OXCT1: variants seen among roughly 807,000 people sequenced by gnomAD.
The protein encoded by OXCT1 is succinyl-CoA:3-ketoacid coenzyme A transferase 1, mitochondrial.
Under a neutral mutation model 69.6 loss-of-function variants are expected in OXCT1, and 27 were observed. That is an observed-to-expected ratio of 0.39 (90% CI 0.29 to 0.54). The LOEUF (loss-of-function observed/expected upper bound fraction) is 0.54, where lower values mean the gene tolerates loss of function less well. Ranked by LOEUF, OXCT1 falls within the 20% of genes least tolerant of loss-of-function variation. The pLI is 0.72. For synonymous variants in OXCT1, 202 were observed against 217.8 expected (o/e 0.93, Z 0.64); for missense variants, 437 against 650.2 (o/e 0.67, Z 3.57).
At chr5:41,765,374 T>C in intron 13 of OXCT1, among the ~76,000 whole-genome samples, 1 of 152,192 alleles carries the variant, frequency 6.6e-6, no homozygotes, top group East Asian at 1.9e-4. Context: ...TGGCTGAGTT[T>C]CCTTCAGCCT....
rs74457258 is a variant in OXCT1, at chr5:41,855,425, G to A, written c.279-1871C>T. ...ACTTTTCTATATTACTCCATACTATGCTTCAAGAAAGCCTTTTAAGAGACA... is the reference window on the plus strand; with the variant it reads ...ACTTTTCTATATTACTCCATACTATACTTCAAGAAAGCCTTTTAAGAGACA... On this transcript the variant is annotated intron_variant, in intron 3 of 16. Transcript: ENST00000196371. Among the ~76,000 whole-genome samples, 83 of 152,270 alleles carry A rather than the reference G, an allele frequency of 5.5e-4. 1 individual carries two copies. In the East Asian group the frequency reaches 0.016, roughly 29 times the overall value.
intron 4 of OXCT1, among the ~76,000 whole-genome samples, chr5:41,852,071 G>A (rs1749198924): frequency 2.0e-5 from 3 of 152,224 alleles, no homozygotes; most frequent in Admixed American, 2.0e-4. Flanking sequence ...CAAGAACCGT[G>A]AGAAGTCGGC....
chr5:41,805,582 C>A lies in OXCT1; in HGVS notation c.940G>T (p.Glu314Ter). Residue 314 changes from glutamate to a stop codon, truncating the protein, a stop_gained, in exon 9 of 17, where the codon GAG (glutamate) becomes TAG (stop). Transcript: ENST00000196371. LOFTEE classifies it high-confidence loss of function. Reference sequence around the variant, plus strand: ...TAAAGGATACCATACATGCCATCCTCAAACTCAAGAGCGGCCCTCTTGATG... The same window carrying A: ...TAAAGGATACCATACATGCCATCCTAAAACTCAAGAGCGGCCCTCTTGATG... ...RIIKRAALEF[E>*]DGMYANLGIG... 6.2e-7 allele frequency: 1 copy of A among 1,611,904 alleles called. No homozygotes were observed. Among genetic ancestry groups the A allele is most frequent in the Non-Finnish European group, 8.5e-7 (1 of 1,178,260 alleles).
At chr5:41,771,378 T>G (rs1744863927) in intron 13 of OXCT1, among the ~76,000 whole-genome samples, 1 of 152,230 alleles carries the variant, frequency 6.6e-6, no homozygotes, top group South Asian at 2.1e-4. Context: ...CAATGTATTT[T>G]CTCTTCTCAA....
At chr5:41,778,129 G>T (rs560088454) in intron 13 of OXCT1, among the ~76,000 whole-genome samples, 16 of 152,264 alleles carry the variant, frequency 1.1e-4, no homozygotes, top group Non-Finnish European at 1.6e-4. Flanking sequence ...AATGTAAAAA[G>T]ATGGATTATC....
At chr5:41,867,259 T>C (rs971243502) in intron 1 of OXCT1, among the ~76,000 whole-genome samples, 1 of 152,188 alleles carries the variant, frequency 6.6e-6, no homozygotes, top group African/African-American at 2.4e-5. Context: ...GGAAACTCAT[T>C]ATTTCTTTCC....
At chr5:41,821,985 T>C (rs1481010277) in intron 7 of OXCT1, among the ~76,000 whole-genome samples, 2 of 152,226 alleles carry the variant, frequency 1.3e-5, no homozygotes, top group East Asian at 3.8e-4. Context: ...CATGTTTTTA[T>C]CTAAAAAAGC....
chr5:41,856,576 G>A (rs1164911272), intron 3 of OXCT1, among the ~76,000 whole-genome samples: 2 of 151,920 alleles, frequency 1.3e-5, no homozygotes, highest in African/African-American at 2.4e-5. Flanking sequence ...TCCTACCCCC[G>A]GCACTCCTGA....
At chr5:41,846,464 T>G (rs1441266086) in intron 5 of OXCT1, among the ~76,000 whole-genome samples, 30 of 149,390 alleles carry the variant, frequency 2.0e-4, no homozygotes, top group Admixed American at 4.0e-4. Context: ...CATGAACTCA[T>G]CATTTTTTAT....
chr5:41,814,851 T>C (rs907773678), intron 7 of OXCT1, among the ~76,000 whole-genome samples: 6 of 151,926 alleles, frequency 3.9e-5, no homozygotes, highest in East Asian at 1.9e-4. Context: ...ATTGTGCACA[T>C]GTACCCTAAA....
chr5:41,800,957 C>A (rs369621363), intron 11 of OXCT1, 65 bp downstream of exon 11: 1 of 1,371,108 alleles, frequency 7.3e-7, no homozygotes, highest in South Asian at 1.2e-5. Context: ...AGAATTGAGT[C>A]CAAACTCTTA....
At chr5:41,773,248 C>A (rs1485438664) in intron 13 of OXCT1, among the ~76,000 whole-genome samples, 4 of 151,650 alleles carry the variant, frequency 2.6e-5, no homozygotes, top group African/African-American at 9.7e-5. Context: ...GAAACAAAAG[C>A]TTTGGTGAAG....
intron 3 of OXCT1, among the ~76,000 whole-genome samples, chr5:41,854,028 TA>T (rs34095592): frequency 8.5e-5 from 13 of 152,148 alleles, no homozygotes; most frequent in Non-Finnish European, 1.8e-4. Context: ...CTTTCACTTC[TA>T]AAAAGGAGAG....
chr5:41,863,586 T>C (rs1749838445), intron 1 of OXCT1, among the ~76,000 whole-genome samples: 1 of 152,166 alleles, frequency 6.6e-6, no homozygotes, highest in South Asian at 2.1e-4. Flanking sequence ...AGATTATCAC[T>C]GAAGTCCCCT....
chr5:41,762,237 C>T lies in OXCT1; in HGVS notation c.1249-37G>A. Reference sequence around the variant, plus strand: ...AAAATAAATAGCTCTGTATCTTTCACTTCTTTTGTATGTGACAGAACAAAA... The same window carrying T: ...AAAATAAATAGCTCTGTATCTTTCATTTCTTTTGTATGTGACAGAACAAAA... On this transcript the variant is annotated intron_variant, in intron 13 of 16. Transcript: ENST00000196371. This position sits in a 1 kb window ranked among gnomAD's most constrained non-coding sequence, Gnocchi z 4.0. 1.4e-6 allele frequency: 2 copies of T among 1,477,416 alleles called. No individual in the cohort carries two copies. The highest frequency in any genetic ancestry group is 1.9e-6 in the Non-Finnish European group (2 of 1,055,442). 91.5% of individuals were successfully genotyped at this position (1,477,416 alleles called of 1,614,324 possible).
chr5:41,839,982 G>T (rs367561002), intron 7 of OXCT1, among the ~76,000 whole-genome samples: 3 of 152,274 alleles, frequency 2.0e-5, no homozygotes, highest in African/African-American at 4.8e-5. Context: ...CAAACACTGA[G>T]ATACCCAAAG....
chr5:41,779,604 A>C (rs1745297661), intron 13 of OXCT1, among the ~76,000 whole-genome samples: 1 of 152,166 alleles, frequency 6.6e-6, no homozygotes, highest in Non-Finnish European at 1.5e-5. Context: ...ACTTTCTACA[A>C]ACCACACTGT....
At chr5:41,757,875 G>A (rs1296919303) in intron 14 of OXCT1, among the ~76,000 whole-genome samples, 2 of 152,116 alleles carry the variant, frequency 1.3e-5, no homozygotes, top group East Asian at 1.9e-4. Context: ...GCTGGGGAGC[G>A]AATCGCAAAG....
chr5:41,839,095 G>C (rs1180463590), intron 7 of OXCT1, among the ~76,000 whole-genome samples: 1 of 152,144 alleles, frequency 6.6e-6, no homozygotes, highest in Non-Finnish European at 1.5e-5. Context: ...TATTACATTT[G>C]CAGGCTTAGT....
Sources: gnomAD v4.1 joint callset for allele counts (sites outside exome capture counted in the v4.1 genomes callset) on GRCh38, gnomAD v4.1.1 for gene constraint, Gnocchi (gnomAD v3.1) non-coding constraint, MANE v1.5 for transcripts, NCBI Gene and HGNC (gene_info 2026-07-23, HGNC 2026-07-21) for gene names.